The following MACROD2 variants were observed in gnomAD, a reference collection of about 807,000 sequenced individuals.
MACROD2 encodes the protein mono-ADP ribosylhydrolase 2.
A neutral mutation model predicts 70.4 loss-of-function variants in MACROD2; 36 were observed. The observed-to-expected ratio is 0.51, with a 90% confidence interval of 0.39 to 0.68. The LOEUF is 0.68. Among genes scored for constraint, MACROD2 ranks in the 30% least tolerant of loss-of-function variants. The probability of loss-of-function intolerance (pLI) is 0.00; values close to 1 mark genes in which losing one functional copy is unlikely to be tolerated. For missense variants in MACROD2, 496 were observed against 538.4 expected, an observed-to-expected ratio of 0.92 and a Z score of 0.78; for synonymous variants, 172 against 178.8, an observed-to-expected ratio of 0.96 and a Z score of 0.30.
intron 3 of MACROD2, among the ~76,000 whole-genome samples, chr20:14,474,188 T>C (rs968227946): frequency 1.1e-4 from 16 of 152,068 alleles, no homozygotes; most frequent in Admixed American, 1.3e-4. Context: ...TTTAATCCAA[T>C]TTGTCTGTTT....
intron 8 of MACROD2, among the ~76,000 whole-genome samples, chr20:15,756,431 G>A (rs140599389): frequency 3.6e-4 from 55 of 152,144 alleles, no homozygotes; most frequent in Middle Eastern, 3.4e-3. Flanking sequence ...AATTTACAAG[G>A]AGGTCACATA....
rs142342713 is a variant in MACROD2, at chr20:14,321,936, G to T, written c.272-171543G>T. Among the ~76,000 whole-genome samples the T allele has an allele frequency of 2.8e-3, 425 of 151,712 alleles. 3 individuals are homozygous for T. Among genetic ancestry groups the T allele is most frequent in the Admixed American group, 3.7e-3 (57 of 15,224 alleles). On this transcript the variant is annotated intron_variant, in intron 3 of 17. Transcript: ENST00000684519. ...ATTTTTGATTTTTGTCAAACATTTA[G>T]CAAGGGAGTAATTTTTTTCCTCTAG...
At chr20:14,416,911 G>A (rs1310827682) in intron 3 of MACROD2, among the ~76,000 whole-genome samples, 1 of 152,170 alleles carries the variant, frequency 6.6e-6, no homozygotes, top group African/African-American at 2.4e-5. Context: ...GCAAGGTGCT[G>A]TGTTTATTCT....
chr20:14,118,438 T>G (rs192640868), intron 3 of MACROD2, among the ~76,000 whole-genome samples: 1 of 152,366 alleles, frequency 6.6e-6, no homozygotes, highest in Admixed American at 6.5e-5. Flanking sequence ...CTTTCTCCAT[T>G]GCTACTTAGC....
chr20:15,869,265 A>AGAGC (rs2064546265), intron 9 of MACROD2, among the ~76,000 whole-genome samples: 3 of 141,900 alleles, frequency 2.1e-5, no homozygotes, highest in African/African-American at 7.6e-5. Context: ...AGAGAGAGAG[A>AGAGC]GAGCAATGCT....
At chr20:14,452,766 G>T (rs1876824627) in intron 3 of MACROD2, among the ~76,000 whole-genome samples, 1 of 152,120 alleles carries the variant, frequency 6.6e-6, no homozygotes, top group African/African-American at 2.4e-5. Flanking sequence ...CTTGTCTTTT[G>T]TTCAAATGTG....
At chr20:15,486,929 G>A (rs187029986) in intron 7 of MACROD2, among the ~76,000 whole-genome samples, 1 of 152,176 alleles carries the variant, frequency 6.6e-6, no homozygotes, top group Admixed American at 6.5e-5. Context: ...CAAGACTGCG[G>A]GTTGGCTGTG....
chr20:14,396,852 G>C (rs2083585405), intron 3 of MACROD2, among the ~76,000 whole-genome samples: 1 of 147,284 alleles, frequency 6.8e-6, no homozygotes, highest in Admixed American at 6.8e-5. Flanking sequence ...GTCAACCCAG[G>C]AGGTGGAGCT....
At position 15,760,222 on chromosome 20, in the gene MACROD2, C is replaced by T. The variant is rs1016211408; in HGVS notation, c.646-102523C>T. Among the ~76,000 whole-genome samples, 5 of 152,200 alleles carry T rather than the reference C, an allele frequency of 3.3e-5. No homozygotes were observed. The East Asian group carries it at 5.8e-4, about 18-fold the overall frequency. On this transcript the variant is annotated intron_variant, in intron 8 of 17. Transcript: ENST00000684519. ...TTCACGAAAATGACCCAGAGCTGCT[C>T]GCTGAAGCTGGAGAAACCAAAGGCT...
At chr20:15,797,148 C>G (rs1600905480) in intron 8 of MACROD2, among the ~76,000 whole-genome samples, 1 of 152,106 alleles carries the variant, frequency 6.6e-6, no homozygotes, top group Non-Finnish European at 1.5e-5. Flanking sequence ...GAGTCTCGCT[C>G]TGTTGCCCAG....
intron 3 of MACROD2, among the ~76,000 whole-genome samples, chr20:14,405,351 G>C (rs1347003192): frequency 6.6e-6 from 1 of 152,188 alleles, no homozygotes; most frequent in African/African-American, 2.4e-5. Context: ...GACTATTATG[G>C]AAGGGTTTGT....
At chr20:14,183,214 T>G (rs980558418) in intron 3 of MACROD2, among the ~76,000 whole-genome samples, 5 of 151,662 alleles carry the variant, frequency 3.3e-5, no homozygotes, top group Admixed American at 6.6e-5. Context: ...CAGTGTGTGT[T>G]GTTCCCCTCT....
intron 3 of MACROD2, among the ~76,000 whole-genome samples, chr20:14,315,686 C>T (rs546513820): frequency 2.0e-5 from 3 of 152,180 alleles, no homozygotes; most frequent in Non-Finnish European, 2.9e-5. Flanking sequence ...AGATTAGCTA[C>T]ATGATTTTCC....
chr20:14,604,632 G>T (rs1189913993), intron 4 of MACROD2, among the ~76,000 whole-genome samples: 3 of 152,082 alleles, frequency 2.0e-5, no homozygotes, highest in Non-Finnish European at 4.4e-5. Flanking sequence ...TTTCCTTAAG[G>T]CATTTTATTT....
chr20:15,476,249 C>T (rs1171705601), intron 7 of MACROD2, among the ~76,000 whole-genome samples: 1 of 152,196 alleles, frequency 6.6e-6, no homozygotes, highest in East Asian at 1.9e-4. Context: ...CTTATTACCC[C>T]TTAAAATTTG....
intron 5 of MACROD2, among the ~76,000 whole-genome samples, chr20:14,970,399 T>G (rs1289132779): frequency 6.6e-6 from 1 of 152,162 alleles, no homozygotes; most frequent in Non-Finnish European, 1.5e-5. Flanking sequence ...TTTAAGTGTT[T>G]TTTCAAGCTA....
intron 8 of MACROD2, among the ~76,000 whole-genome samples, chr20:15,780,050 AAC>A (rs1491531993): frequency 6.7e-6 from 1 of 148,742 alleles, no homozygotes; most frequent in Non-Finnish European, 1.5e-5. Flanking sequence ...TATTAAAAAA[AAC>A]ACACATCTGT....
At chr20:15,698,010 T>C (rs1430037466) in intron 8 of MACROD2, among the ~76,000 whole-genome samples, 1 of 152,232 alleles carries the variant, frequency 6.6e-6, no homozygotes, top group East Asian at 1.9e-4. Flanking sequence ...TTATTCATTC[T>C]GCAGTTCTCT....
chr20:14,232,934 CTCTT>C (rs2081831599), intron 3 of MACROD2, among the ~76,000 whole-genome samples: 1 of 152,204 alleles, frequency 6.6e-6, no homozygotes, highest in South Asian at 2.1e-4. Flanking sequence ...ACACATGTGA[CTCTT>C]TCTTTCAGTT....
Sources: allele counts gnomAD v4.1 joint callset (sites outside exome capture counted in the v4.1 genomes callset), GRCh38; gene constraint gnomAD v4.1.1; transcripts MANE v1.5; gene names NCBI Gene and HGNC (gene_info 2026-07-23, HGNC 2026-07-21).